FGF14: variants seen among roughly 807,000 people sequenced by gnomAD.
FGF14 encodes the protein fibroblast growth factor homologous factor 4.
A neutral mutation model predicts 25.5 loss-of-function variants in FGF14; 5 were observed. The observed-to-expected ratio is 0.20, with a 90% CI of 0.10 to 0.41. The LOEUF is 0.41. Among genes scored for constraint, FGF14 ranks in the 10% least tolerant of loss-of-function variants. FGF14 has a pLI of 1.00. For missense variants in FGF14, 222 were observed against 320.1 expected, an observed-to-expected ratio of 0.69 and a Z score of 2.34; for synonymous variants, 138 against 118.3, an observed-to-expected ratio of 1.17 and a Z score of -1.08.
At chr13:102,370,754 C>T (rs1210679255) in intron 1 of FGF14, among the ~76,000 whole-genome samples, 2 of 152,098 alleles carry the variant, frequency 1.3e-5, no homozygotes, top group East Asian at 1.9e-4. Context: ...AGTACAGACA[C>T]ACAAATGCAC....
Position 101,720,529 on chromosome 13 carries a change from T to TTG in FGF14, c.*2301_*2302insCA, listed in dbSNP as rs1183629835. Reference sequence around the variant, plus strand: ...GTAACAAATAGATGGGGGTGTTTGCTCTGTGTGTGTGTGTGTGTGTGTGTG... The same window carrying TTG: ...GTAACAAATAGATGGGGGTGTTTGCTTGCTGTGTGTGTGTGTGTGTGTGTGTG... On this transcript the variant is annotated 3_prime_UTR_variant, in exon 5 of 5. Coordinates refer to ENST00000376143, the MANE Select transcript of FGF14 (RefSeq NM_004115.4). 1 of 94,160 alleles carries TTG rather than the reference T, an allele frequency of 1.1e-5. No individual in the cohort carries two copies. The highest frequency in any genetic ancestry group is 4.0e-5 in the African/African-American group (1 of 24,708). 5.8% of individuals were successfully genotyped at this position (94,160 alleles called of 1,614,324 possible).
At chr13:102,326,685 G>C (rs1341416605) in intron 1 of FGF14, among the ~76,000 whole-genome samples, 1 of 65,044 alleles carries the variant, frequency 1.5e-5, no homozygotes, top group Non-Finnish European at 2.9e-5. Context: ...GAAGGGAAGG[G>C]AAGGGAAGGG....
intron 1 of FGF14, among the ~76,000 whole-genome samples, chr13:101,915,501 C>T (rs979987845): frequency 1.3e-5 from 2 of 152,154 alleles, no homozygotes; most frequent in African/African-American, 4.8e-5. Context: ...CCACAGAACA[C>T]ACCACATGCT....
At chr13:102,064,158 G>C (rs1275221680) in intron 1 of FGF14, among the ~76,000 whole-genome samples, 1 of 152,104 alleles carries the variant, frequency 6.6e-6, no homozygotes, top group Non-Finnish European at 1.5e-5. Context: ...TGATATTTAA[G>C]ATGGGTCTTA....
intron 1 of FGF14, among the ~76,000 whole-genome samples, chr13:102,231,740 G>A (rs577433830): frequency 6.6e-6 from 1 of 152,274 alleles, no homozygotes; most frequent in African/African-American, 2.4e-5. Flanking sequence ...CAAGAGGACA[G>A]TCTGAATTCA....
chr13:101,801,083 G>A (rs543793331), intron 3 of FGF14, among the ~76,000 whole-genome samples: 1 of 152,288 alleles, frequency 6.6e-6, no homozygotes, highest in South Asian at 2.1e-4. Flanking sequence ...CTCTCAAAGA[G>A]CACAAACTTG....
At chr13:102,087,615 G>A (rs543592765) in intron 1 of FGF14, among the ~76,000 whole-genome samples, 25 of 129,556 alleles carry the variant, frequency 1.9e-4, no homozygotes, top group African/African-American at 5.4e-4. Context: ...TAGTAGAGTC[G>A]GGATTTCACT....
At chr13:102,198,273 C>CAGTTGT (rs1365923216) in intron 1 of FGF14, among the ~76,000 whole-genome samples, 1 of 152,182 alleles carries the variant, frequency 6.6e-6, no homozygotes, top group Non-Finnish European at 1.5e-5. Flanking sequence ...GCTGATGGTC[C>CAGTTGT]AGTTGTCCCA....
At chr13:101,792,287 A>G (rs922485197) in intron 3 of FGF14, among the ~76,000 whole-genome samples, 1 of 152,126 alleles carries the variant, frequency 6.6e-6, no homozygotes, top group African/African-American at 2.4e-5. Context: ...CCACACCCAA[A>G]CACCACCATT....
chr13:102,040,315 AATC>A (rs1362239862), intron 1 of FGF14, among the ~76,000 whole-genome samples: 1 of 152,174 alleles, frequency 6.6e-6, no homozygotes, highest in Non-Finnish European at 1.5e-5. Flanking sequence ...CGGAGCAAAT[AATC>A]ATATTTGTCT....
intron 1 of FGF14, among the ~76,000 whole-genome samples, chr13:102,075,976 G>A (rs117358023): frequency 2.0e-3 from 311 of 152,230 alleles, no homozygotes; most frequent in Non-Finnish European, 3.4e-3. Flanking sequence ...TGTGCAATGC[G>A]TTTGTGGTCT....
chr13:101,898,968 A>G (rs1198052365), intron 1 of FGF14, among the ~76,000 whole-genome samples: 1 of 152,224 alleles, frequency 6.6e-6, no homozygotes, highest in African/African-American at 2.4e-5. Flanking sequence ...TGAGAATCAG[A>G]GCAAAGCTTT....
chr13:102,124,610 T>C lies in FGF14; in HGVS notation c.209-249314A>G, dbSNP rs373070821. 1.1e-4 allele frequency among the ~76,000 whole-genome samples: 17 copies of C among 152,274 alleles called. No individual in the cohort carries two copies. The East Asian group carries it at 2.3e-3, about 21-fold the overall frequency. ...TATGGATACAGTTCTGGAAATGTACTGTACAGGCATGAGTTCAAGTCCTCT... is the reference window on the plus strand; with the variant it reads ...TATGGATACAGTTCTGGAAATGTACCGTACAGGCATGAGTTCAAGTCCTCT... On this transcript the variant is annotated intron_variant, in intron 1 of 4. Transcript: ENST00000376131.
chr13:101,829,175 A>G (rs909662585), intron 3 of FGF14, among the ~76,000 whole-genome samples: 5 of 152,158 alleles, frequency 3.3e-5, no homozygotes, highest in Non-Finnish European at 7.4e-5. Flanking sequence ...TACAGAAAGC[A>G]TACATAAAGT....
At chr13:101,966,025 G>C (rs2037171521) in intron 1 of FGF14, among the ~76,000 whole-genome samples, 1 of 152,090 alleles carries the variant, frequency 6.6e-6, no homozygotes, top group Non-Finnish European at 1.5e-5. Context: ...ATTTTTCTGA[G>C]TGCTTAAATA....
At chr13:102,245,143 A>G (rs1304707340) in intron 1 of FGF14, among the ~76,000 whole-genome samples, 3 of 152,074 alleles carry the variant, frequency 2.0e-5, no homozygotes, top group African/African-American at 7.2e-5. Context: ...CCCAAATGCC[A>G]TCTACAGCCT....
intron 1 of FGF14, among the ~76,000 whole-genome samples, chr13:101,943,377 T>C (rs1038341517): frequency 6.6e-6 from 1 of 152,130 alleles, no homozygotes; most frequent in African/African-American, 2.4e-5. Flanking sequence ...CAACTCCAAG[T>C]GATTGCCACC....
At chr13:102,141,272 G>A (rs2046632405) in intron 1 of FGF14, among the ~76,000 whole-genome samples, 1 of 152,194 alleles carries the variant, frequency 6.6e-6, no homozygotes, top group African/African-American at 2.4e-5. Context: ...ACACGAAACA[G>A]AACTGGTTGT....
chr13:102,401,668 G>A (rs1566990774), exon 1 of FGF14: 3 of 1,613,688 alleles, frequency 1.9e-6, no homozygotes, highest in South Asian at 2.2e-5. Context: ...GAGGGGCACC[G>A]GTTTTACCAT....
Sources: gnomAD v4.1 joint callset for allele counts (sites outside exome capture counted in the v4.1 genomes callset) on GRCh38, gnomAD v4.1.1 for gene constraint, MANE v1.5 for transcripts, NCBI Gene and HGNC (gene_info 2026-07-23, HGNC 2026-07-21) for gene names.